Variants in POLR1C observed in about 807,000 individuals in gnomAD.
POLR1C encodes the protein RNA polymerase I and III subunit C, also known as DNA-directed RNA polymerases I and III subunit RPAC1.
Under a neutral mutation model 38.3 loss-of-function variants are expected in POLR1C, and 42 were observed. That is an observed-to-expected ratio of 1.10 (90% CI 0.86 to 1.42). The LOEUF is 1.42. Ranked by LOEUF, POLR1C falls within the 40% of genes most tolerant of loss-of-function variation. POLR1C has a pLI of 0.00. For synonymous variants in POLR1C, 163 were observed against 163.9 expected (o/e 0.99, Z 0.04); for missense variants, 507 against 450.5 (o/e 1.13, Z -1.14).
intron 9 of POLR1C, chr6:43,539,836 C>T (rs1482339303): frequency 1.3e-5 from 7 of 520,814 alleles, no homozygotes; most frequent in Admixed American, 7.4e-5. Flanking sequence ...GTTTTTTGGT[C>T]TAATTTAACT....
chr6:43,540,588 G>C (rs370454384), intron 9 of POLR1C, among the ~76,000 whole-genome samples: 2 of 152,222 alleles, frequency 1.3e-5, no homozygotes, highest in African/African-American at 4.8e-5. Flanking sequence ...GGGAGGTAGA[G>C]GTTGAAGTGA....
At chr6:43,551,184 A>C in intron 10 of POLR1C, 1 of 1,151,352 alleles carries the variant, frequency 8.7e-7, no homozygotes, top group Non-Finnish European at 1.2e-6. Context: ...TGAGACTAGT[A>C]ATTTGAGTCC....
chr6:43,538,570 G>A (rs1794494310), intron 9 of POLR1C, among the ~76,000 whole-genome samples: 1 of 152,136 alleles, frequency 6.6e-6, no homozygotes, highest in Admixed American at 6.6e-5. Flanking sequence ...ATTACTGGTA[G>A]TATTTTGAGA....
At chr6:43,551,169 TC>T in intron 10 of POLR1C, 1 of 935,308 alleles carries the variant, frequency 1.1e-6, no homozygotes, top group Non-Finnish European at 1.5e-6. Context: ...GGTGTGAGGA[TC>T]CCTTGAGACT....
At chr6:43,526,883 G>A in intron 8 of POLR1C, 1 of 823,558 alleles carries the variant, frequency 1.2e-6, no homozygotes, top group Non-Finnish European at 2.0e-6. Flanking sequence ...CAAGGCACAA[G>A]AATTAGCTTC....
chr6:43,525,248 AAAG>A, downstream of POLR1C: 10 of 1,545,338 alleles, frequency 6.5e-6, no homozygotes, highest in East Asian at 2.4e-5. Context: ...TACAATGGAA[AAAG>A]AAGCACAGTT....
chr6:43,523,391 C>T (rs1793318235), downstream of POLR1C: 2 of 294,710 alleles, frequency 6.8e-6, no homozygotes, highest in South Asian at 6.4e-5. Flanking sequence ...GGGAAAGTTT[C>T]CTGCCAGCCC....
At chr6:43,517,450 C>A in intron 2 of POLR1C, 73 bp downstream of exon 2, 1 of 1,303,412 alleles carries the variant, frequency 7.7e-7, no homozygotes. Context: ...CTGTGTCTGT[C>A]TCAGAAGCTG....
intron 9 of POLR1C, among the ~76,000 whole-genome samples, chr6:43,540,865 T>C (rs1183103846): frequency 2.6e-5 from 4 of 152,098 alleles, no homozygotes; most frequent in Non-Finnish European, 4.4e-5. Flanking sequence ...TTTAAAAAAT[T>C]GAGGCATAAT....
intron 9 of POLR1C, chr6:43,547,358 G>C: frequency 1.8e-6 from 1 of 560,746 alleles, no homozygotes; most frequent in Non-Finnish European, 3.2e-6. Context: ...TACACCTTCA[G>C]TCTTCAGAGC....
At chr6:43,553,548 C>A (rs762754376) in intron 10 of POLR1C, 15 of 1,512,078 alleles carry the variant, frequency 9.9e-6, no homozygotes, top group African/African-American at 7.0e-5. Context: ...CACACACACA[C>A]AATTATCAGC....
At chr6:43,528,247 G>A in intron 8 of POLR1C, 1 of 1,548,126 alleles carries the variant, frequency 6.5e-7, no homozygotes, top group Non-Finnish European at 8.8e-7. Flanking sequence ...ATTGGGGAAA[G>A]GATTGGAACA....
intron 9 of POLR1C, chr6:43,549,874 GT>G (rs751545590): frequency 6.2e-7 from 1 of 1,602,648 alleles, no homozygotes; most frequent in South Asian, 1.1e-5. Context: ...GAATCTATTG[GT>G]TTAATTAATG....
intron 8 of POLR1C, among the ~76,000 whole-genome samples, chr6:43,528,497 C>A (rs1478168549): frequency 6.6e-6 from 1 of 152,000 alleles, no homozygotes; most frequent in African/African-American, 2.4e-5. Flanking sequence ...CCCAGCTGGT[C>A]CCCCTGCTTA....
At chr6:43,542,931 C>T (rs936703685) in intron 9 of POLR1C, among the ~76,000 whole-genome samples, 6 of 152,032 alleles carry the variant, frequency 3.9e-5, no homozygotes, top group African/African-American at 1.5e-4. Flanking sequence ...ATGTCAACAG[C>T]AGCATGATAT....
intron 9 of POLR1C, among the ~76,000 whole-genome samples, chr6:43,544,449 T>C (rs1476669944): frequency 6.6e-6 from 1 of 152,196 alleles, no homozygotes; most frequent in Admixed American, 6.5e-5. Context: ...TAAAAAAAGA[T>C]AATCATACTG....
downstream of POLR1C, chr6:43,525,650 A>G (rs940727006): frequency 1.8e-5 from 11 of 607,300 alleles, no homozygotes; most frequent in African/African-American, 7.4e-5. Context: ...GCTCCTGCCT[A>G]TGCTGGTATG....
At chr6:43,528,817 T>G (rs1185284927) in intron 8 of POLR1C, 2 of 1,612,554 alleles carry the variant, frequency 1.2e-6, no homozygotes, top group Non-Finnish European at 1.7e-6. Flanking sequence ...TGTTCCTGAC[T>G]TATCTCTTAC....
At chr6:43,560,953 A>T in intron 10 of POLR1C, 2 of 1,613,990 alleles carry the variant, frequency 1.2e-6, no homozygotes, top group Non-Finnish European at 1.7e-6. Flanking sequence ...AAAGCAAGAA[A>T]AGATTCCAGG....
Sources: allele counts gnomAD v4.1 joint callset (sites outside exome capture counted in the v4.1 genomes callset), GRCh38; gene constraint gnomAD v4.1.1; transcripts MANE v1.5; gene names NCBI Gene and HGNC (gene_info 2026-07-23, HGNC 2026-07-21).